The following ADAMTS1 variants were observed in gnomAD, a reference collection of about 807,000 sequenced individuals.
ADAMTS1 encodes A disintegrin and metalloproteinase with thrombospondin motifs 1.
A neutral mutation model predicts 87.9 loss-of-function variants in ADAMTS1; 19 were observed. The observed-to-expected ratio is 0.22, with a 90% CI of 0.15 to 0.32. The LOEUF (loss-of-function observed/expected upper bound fraction) is 0.32, where lower values mean the gene tolerates loss of function less well. Among genes scored for constraint, ADAMTS1 ranks in the 10% least tolerant of loss-of-function variants. ADAMTS1 has a pLI of 1.00. For missense variants in ADAMTS1, 1,240 were observed against 1,259.1 expected (o/e 0.98, Z 0.23); for synonymous variants, 542 against 501.8 (o/e 1.08, Z -1.07).
chr21:26,836,627 A>G lies in ADAMTS1; in HGVS notation c.*952T>C, dbSNP rs985464452. The G allele has an allele frequency of 3.3e-5, 5 of 152,612 alleles. No individual in the cohort carries two copies. The highest frequency in any genetic ancestry group is 7.2e-5 in the African/African-American group (3 of 41,442). 9.5% of individuals were successfully genotyped at this position (152,612 alleles called of 1,614,324 possible). ...CCTGCTACCCCTCAGCAGCCTCCCC[A>G]CCACAAGACAAGTGATCTCAATGTC... is the stretch of plus-strand genomic sequence containing the variant. On this transcript the variant is annotated 3_prime_UTR_variant, in exon 9 of 9. Coordinates refer to ENST00000284984, the MANE Select transcript of ADAMTS1 (RefSeq NM_006988.5).
rs1985515242 is a variant in ADAMTS1, at chr21:26,842,481, A to G, written c.935T>C (p.Ile312Thr). The change falls in exon 2 of 9, where the codon ATC (isoleucine) becomes ACC (threonine). Residue 312 changes from isoleucine to threonine, a missense_variant. Ile to Thr is a moderately conservative substitution (Grantham distance 89). Transcript: ENST00000284984. Reference sequence around the variant, plus strand: ...TTCCGGCCCCTTCTGTTCATCGTGGATGACCAAGATCTTCACCACCACCAG... The same window carrying G: ...TTCCGGCCCCTTCTGTTCATCGTGGGTGACCAAGATCTTCACCACCACCAG... Reference protein sequence around the residue: ...VSLVVVKILVIHDEQKGPEVT... With the variant: ...VSLVVVKILVTHDEQKGPEVT... 1 of 1,614,072 alleles carries G rather than the reference A, an allele frequency of 6.2e-7. No homozygotes were observed. The highest frequency in any genetic ancestry group is 8.5e-7 in the Non-Finnish European group (1 of 1,180,050).
In ADAMTS1 at chr21:26,844,690, G is replaced by A. The variant is rs756363381; in HGVS notation, c.265C>T (p.Leu89=). 2.7e-5 allele frequency: 43 copies of A among 1,594,098 alleles called. No homozygotes were observed. The East Asian group carries it at 4.8e-4, about 18-fold the overall frequency. The change falls in exon 1 of 9, where the codon CTG becomes TTG. Residue 89 remains leucine, a synonymous_variant. Coordinates refer to ENST00000284984, the MANE Select transcript of ADAMTS1 (RefSeq NM_006988.5). ...HAFDQQLDLE[L]RPDSSFLAPG... is the part of the protein sequence containing the mutation. ...GCCAAAAAGCTGCTGTCGGGCCGCA[G>A]CTCCAGATCCAGCTGCTGGTCAAAG...
Position 26,844,710 on chromosome 21 carries a change from T to A in ADAMTS1, c.245A>T (p.Asp82Val), listed in dbSNP as rs753685753. The A allele has an allele frequency of 6.3e-7, 1 of 1,587,760 alleles. No individual in the cohort carries two copies. The highest frequency in any genetic ancestry group is 1.1e-5 in the South Asian group (1 of 87,744). ...GTTRLRLHAF[D>V]QQLDLELRPD... Reference sequence around the variant, plus strand: ...CCGCAGCTCCAGATCCAGCTGCTGGTCAAAGGCGTGCAGGCGGAGGCGCGT... The same window carrying A: ...CCGCAGCTCCAGATCCAGCTGCTGGACAAAGGCGTGCAGGCGGAGGCGCGT... The change falls in exon 1 of 9, where the codon GAC becomes GTC. Residue 82 changes from aspartate to valine, a missense_variant. By Grantham distance (152) the Asp-to-Val change is radical. Transcript: ENST00000284984.
Position 26,837,053 on chromosome 21 carries a change from T to A in ADAMTS1, c.*526A>T, listed in dbSNP as rs1985379161. 1 of 153,402 alleles carries A rather than the reference T, an allele frequency of 6.5e-6. No homozygotes were observed. The highest frequency in any genetic ancestry group is 1.9e-4 in the East Asian group (1 of 5,196). 9.5% of individuals were successfully genotyped at this position (153,402 alleles called of 1,614,324 possible). Reference sequence around the variant, plus strand: ...AAGTTTTAATTCTCGGTAGAAATAATGTATAAACATTCTCTGAAACCATAG... The same window carrying A: ...AAGTTTTAATTCTCGGTAGAAATAAAGTATAAACATTCTCTGAAACCATAG... On this transcript the variant is annotated 3_prime_UTR_variant, in exon 9 of 9. Transcript: ENST00000284984.
At chr21:26,843,066 T>G in intron 1 of ADAMTS1, 1 of 272,212 alleles carries the variant, frequency 3.7e-6, no homozygotes, top group Non-Finnish European at 7.1e-6. Context: ...AGGGCTCAAA[T>G]CCTGAATGAG....
Position 26,839,663 on chromosome 21 carries a change from C to A in ADAMTS1, c.1952G>T (p.Gly651Val). Residue 651 changes from glycine to valine, a missense_variant, in exon 7 of 9, where the codon GGC (glycine) becomes GTC (valine). Physicochemically the swap from Gly to Val is moderately radical, Grantham distance 109. Transcript: ENST00000284984. ...PAVEWIPKYA[G>V]VSPKDRCKLI... ...CTTGCACCTGTCCTTTGGTGAGACG[C>A]CAGCGTACTTGGGAATCCATTCCAC... 2 of 1,613,910 alleles carry A rather than the reference C, an allele frequency of 1.2e-6. No individual in the cohort carries two copies. The highest frequency in any genetic ancestry group is 1.7e-6 in the Non-Finnish European group (2 of 1,179,812).
intron 4 of ADAMTS1, 51 bp downstream of exon 4, chr21:26,840,947 T>A (rs572700316): frequency 6.4e-7 from 1 of 1,566,418 alleles, no homozygotes; most frequent in Non-Finnish European, 8.7e-7. Flanking sequence ...AACTAAACTT[T>A]ATGCGTGAAA....
intron 1 of ADAMTS1, 47 bp downstream of exon 1, chr21:26,844,178 G>A: frequency 6.6e-7 from 1 of 1,512,912 alleles, no homozygotes; most frequent in African/African-American, 1.4e-5. Context: ...TAGATAAAGT[G>A]AGGAGAGGAG....
chr21:26,840,427 G>A lies in ADAMTS1; in HGVS notation c.1514C>T (p.Thr505Ile), dbSNP rs1385823744. ...DSKHCPDAAS[T>I]CSTLWCTGTS... is the part of the protein sequence containing the mutation. ...GCCGGTACACCACAAGGTGCTACAT[G>A]TGCTGGCTGCATCGGGGCAGTGTTT... is the stretch of plus-strand genomic sequence containing the variant. Residue 505 changes from threonine (T) to isoleucine (I), a missense_variant, in exon 5 of 9, where the codon ACA (threonine) becomes ATA (isoleucine). Coordinates refer to ENST00000284984, the MANE Select transcript of ADAMTS1 (RefSeq NM_006988.5). The A allele has an allele frequency of 6.2e-7, 1 of 1,614,114 alleles. No homozygotes were observed. The highest frequency in any genetic ancestry group is 1.3e-5 in the African/African-American group (1 of 75,060).
chr21:26,843,643 G>A (rs1985543529), intron 1 of ADAMTS1: 1 of 462,840 alleles, frequency 2.2e-6, no homozygotes, highest in East Asian at 6.9e-5. Context: ...GTTCTGCGAA[G>A]GGGCCCCACC....
rs1278525718 is a variant in ADAMTS1 at position 26,836,546 on chromosome 21, A to G, written c.*1033T>C. 1 of 152,652 alleles carries G rather than the reference A, an allele frequency of 6.6e-6. No homozygotes were observed. The highest frequency in any genetic ancestry group is 1.5e-5 in the Non-Finnish European group (1 of 68,044). 9.5% of individuals were successfully genotyped at this position (152,652 alleles called of 1,614,324 possible). On this transcript the variant is annotated 3_prime_UTR_variant, in exon 9 of 9. Transcript: ENST00000284984. ...ATGGAAAAAATCATATTCTCACAGAAGAGCTGAACAGACATTCACCAGGAT... is the reference window on the plus strand; with the variant it reads ...ATGGAAAAAATCATATTCTCACAGAGGAGCTGAACAGACATTCACCAGGAT...
Position 26,844,254 on chromosome 21 carries a change from G to A in ADAMTS1, c.701C>T (p.Pro234Leu), listed in dbSNP as rs769915069. Residue 234 changes from proline (P) to leucine (L), a missense_variant, in exon 1 of 9, where the codon CCG (proline) becomes CTG (leucine). Around this residue, in one of 3 missense-constraint regions of ADAMTS1, gnomAD observed 521 missense variants for 449.7 expected, o/e 1.16. Transcript: ENST00000284984. ...DEGAQWSPQD[P>L]ALQGVGQPTG... ...GGGCTGTCCTACGCCTTGCAGTGCCGGGTCCTGCGGCGACCACTGAGCCCC... is the reference window on the plus strand; with the variant it reads ...GGGCTGTCCTACGCCTTGCAGTGCCAGGTCCTGCGGCGACCACTGAGCCCC... 1.3e-6 allele frequency: 2 copies of A among 1,576,114 alleles called. No homozygotes were observed. Among genetic ancestry groups the A allele is most frequent in the African/African-American group, 2.7e-5 (2 of 74,094 alleles).
At chr21:26,840,143 GA>G (rs771580749) in intron 5 of ADAMTS1, 82 bp from the exon 6 acceptor site, 7 of 1,549,348 alleles carry the variant, frequency 4.5e-6, no homozygotes, top group Non-Finnish European at 6.1e-6. Flanking sequence ...ATGGGACAAA[GA>G]ATCAGTTCTA....
Position 26,844,753 on chromosome 21 carries a change from C to A in ADAMTS1, c.202G>T (p.Ala68Ser). 6.4e-7 allele frequency: 1 copy of A among 1,557,744 alleles called. No individual in the cohort carries two copies. The highest frequency in any genetic ancestry group is 8.7e-7 in the Non-Finnish European group (1 of 1,148,344). ...EELVVPELER[A>S]PGHGTTRLRL... ...AGGCGCGTGGTCCCGTGTCCCGGGG[C>A]GCGCTCCAGCTCCGGCACCACTAGC... Residue 68 changes from alanine (A) to serine (S), a missense_variant, in exon 1 of 9, where the codon GCC (alanine) becomes TCC (serine). Around this residue, in one of 3 missense-constraint regions of ADAMTS1, gnomAD observed 521 missense variants for 449.7 expected, o/e 1.16. Transcript: ENST00000284984.
intron 1 of ADAMTS1, chr21:26,842,977 C>T (rs371661607): frequency 1.5e-5 from 6 of 404,860 alleles, no homozygotes; most frequent in African/African-American, 8.1e-5. Context: ...GGCAATTTCG[C>T]ACATAATCCT....
rs944862656 is a variant in ADAMTS1, at chr21:26,839,923, G to A, written c.1804C>T (p.Arg602Ter). 3 of 1,613,956 alleles carry A rather than the reference G, an allele frequency of 1.9e-6. No homozygotes were observed. The highest frequency in any genetic ancestry group is 1.7e-5 in the Admixed American group (1 of 60,012). The part of the protein sequence containing the change: ...KNGGKYCEGK[R>*]VRYRSCNLED... ...AGGTTACAGGATCTGTAGCGCACTCGTTTGCCTTCACAGTACTTCCCTCCA... is the reference window on the plus strand; with the variant it reads ...AGGTTACAGGATCTGTAGCGCACTCATTTGCCTTCACAGTACTTCCCTCCA... The change falls in exon 6 of 9, where the codon CGA becomes TGA. Residue 602 changes from arginine to a stop codon, truncating the protein, a stop_gained. Transcript: ENST00000284984. LOFTEE classifies it high-confidence loss of function.
rs1249319616 is a variant in ADAMTS1, at chr21:26,841,596, A to G, written c.1210+262T>C. The G allele has an allele frequency of 1.9e-5, 7 of 370,530 alleles. No individual in the cohort carries two copies. The East Asian group carries it at 2.7e-4, about 14-fold the overall frequency. The allele number at this position is 370,530 out of a possible 1,614,324, so 23.0% of individuals were successfully genotyped here. On this transcript the variant is annotated intron_variant, in intron 3 of 8. Coordinates refer to ENST00000284984, the MANE Select transcript of ADAMTS1 (RefSeq NM_006988.5). ...CTAGAGAAAGAAATATATTTAGGAG[A>G]TTGGCTCTTTTGCAGACCATGTCTA...
intron 3 of ADAMTS1, 24 bp downstream of exon 3, chr21:26,841,834 A>T (rs962133682): frequency 1.9e-6 from 3 of 1,604,154 alleles, no homozygotes; most frequent in East Asian, 4.5e-5. Context: ...ATTGAGCTTA[A>T]CTTCTACTTT....
At chr21:26,838,859 A>C (rs1985433808) in intron 7 of ADAMTS1, 4 of 390,572 alleles carry the variant, frequency 1.0e-5, no homozygotes, top group Non-Finnish European at 1.8e-5. Flanking sequence ...TCCTCCAGCT[A>C]AGGTCAATGA....
Sources: allele counts gnomAD v4.1 joint callset, GRCh38; gene constraint gnomAD v4.1.1; regional missense constraint gnomAD v4.1.1; transcripts MANE v1.5; gene names NCBI Gene and HGNC (gene_info 2026-07-23, HGNC 2026-07-21).